The following MIR2052HG variants were observed in gnomAD, a reference collection of about 807,000 sequenced individuals.
MIR2052HG encodes MIR2052 host gene.
At chr8:74,720,845 AG>A (rs1437370006) in intron 4 of MIR2052HG, among the ~76,000 whole-genome samples, 2 of 152,194 alleles carry the variant, frequency 1.3e-5, no homozygotes, top group East Asian at 3.9e-4. Context: ...ACATGGTGGT[AG>A]GAGAGAGAGA....
intron 4 of MIR2052HG, among the ~76,000 whole-genome samples, chr8:74,713,666 G>A (rs1037988032): frequency 6.6e-6 from 1 of 151,994 alleles, no homozygotes; most frequent in African/African-American, 2.4e-5. Flanking sequence ...TGGATTCATG[G>A]TTAGATAGGT....
intron 2 of MIR2052HG, among the ~76,000 whole-genome samples, chr8:74,692,113 C>T (rs67548012): frequency 0.34 from 52,178 of 151,998 alleles, 9,351 homozygotes; most frequent in East Asian, 0.67. Flanking sequence ...TACAGAGTCT[C>T]ACTCTGTCAT....
At chr8:74,722,875 C>G (rs1809593509) in intron 4 of MIR2052HG, among the ~76,000 whole-genome samples, 1 of 152,194 alleles carries the variant, frequency 6.6e-6, no homozygotes, top group African/African-American at 2.4e-5. Flanking sequence ...TAGTATGTAG[C>G]AAAGGTAGAA....
chr8:74,650,651 C>T (rs1382036884), intron 2 of MIR2052HG, among the ~76,000 whole-genome samples: 1 of 152,128 alleles, frequency 6.6e-6, no homozygotes, highest in Non-Finnish European at 1.5e-5. Context: ...TGATTTTACA[C>T]TCCACCAGAA....
intron 2 of MIR2052HG, among the ~76,000 whole-genome samples, chr8:74,667,778 G>T (rs1808947305): frequency 6.6e-6 from 1 of 152,146 alleles, no homozygotes; most frequent in African/African-American, 2.4e-5. Flanking sequence ...GGCATGGGAT[G>T]CTCAGGAGAA....
chr8:74,648,329 G>A (rs1481238207), intron 2 of MIR2052HG, among the ~76,000 whole-genome samples: 1 of 152,100 alleles, frequency 6.6e-6, no homozygotes, highest in Non-Finnish European at 1.5e-5. Context: ...AGCTTACTAG[G>A]GTTGGGAAAT....
intron 2 of MIR2052HG, among the ~76,000 whole-genome samples, chr8:74,653,369 G>A (rs193078328): frequency 4.6e-5 from 7 of 152,298 alleles, no homozygotes; most frequent in Admixed American, 1.3e-4. Context: ...TGTGCTCATT[G>A]AAGAGATGCT....
intron 5 of MIR2052HG, chr8:74,757,174 T>G (rs1810013454): frequency 6.6e-6 from 1 of 152,174 alleles, no homozygotes; most frequent in Non-Finnish European, 1.5e-5. Flanking sequence ...GAGAGTGTCA[T>G]TAGGTTAATA....
At chr8:74,616,445 TTA>T (rs1229820990) in intron 2 of MIR2052HG, among the ~76,000 whole-genome samples, 6 of 150,352 alleles carry the variant, frequency 4.0e-5, no homozygotes, top group Middle Eastern at 3.4e-3. Flanking sequence ...CTTCTATATT[TTA>T]TATATATAAT....
At chr8:74,621,793 G>A (rs529949454) in intron 2 of MIR2052HG, among the ~76,000 whole-genome samples, 68 of 152,306 alleles carry the variant, frequency 4.5e-4, no homozygotes, top group Middle Eastern at 3.4e-3. Flanking sequence ...AGACCACGCT[G>A]TGGGGAAAGG....
intron 2 of MIR2052HG, among the ~76,000 whole-genome samples, chr8:74,647,352 C>A: frequency 6.6e-6 from 1 of 152,194 alleles, no homozygotes; most frequent in South Asian, 2.1e-4. Context: ...ATGGAGATGA[C>A]GAAATGGCTC....
chr8:74,695,726 G>T (rs966635442), intron 2 of MIR2052HG, among the ~76,000 whole-genome samples: 34 of 151,932 alleles, frequency 2.2e-4, no homozygotes, highest in African/African-American at 8.0e-4. Context: ...AAGATATTAT[G>T]TACTGATAAA....
chr8:74,706,405 A>G (rs1317028383), intron 4 of MIR2052HG, among the ~76,000 whole-genome samples: 1 of 152,110 alleles, frequency 6.6e-6, no homozygotes, highest in Non-Finnish European at 1.5e-5. Context: ...TCTAAGTAAA[A>G]TCAAGTGTGC....
Position 74,737,974 on chromosome 8 carries a change from TTATCTATG to T in MIR2052HG, n.372-14463_372-14456del, listed in dbSNP as rs1449562201. ...AATGACCAAGTGAATCTTTTATCTA[TTATCTATG>T]TATGTATGTATGTATGTATGTATGT... On this transcript the variant is annotated intron_variant and non_coding_transcript_variant, in intron 4 of 6. Coordinates refer to ENST00000523442, the Ensembl canonical transcript of MIR2052HG. Among the ~76,000 whole-genome samples, 6 of 151,876 alleles carry T rather than the reference TTATCTATG, an allele frequency of 4.0e-5. No individual in the cohort carries two copies. In the South Asian group the frequency reaches 8.3e-4, roughly 21 times the overall value.
chr8:74,630,786 T>A (rs191570417), intron 2 of MIR2052HG, among the ~76,000 whole-genome samples: 48 of 152,286 alleles, frequency 3.2e-4, no homozygotes, highest in Admixed American at 3.1e-3. Context: ...GTGGAAAGTG[T>A]TAAGGAGCTA....
At chr8:74,673,692 T>C (rs1308094547) in intron 2 of MIR2052HG, among the ~76,000 whole-genome samples, 1 of 151,826 alleles carries the variant, frequency 6.6e-6, no homozygotes, top group African/African-American at 2.4e-5. Flanking sequence ...AGTTCATTCA[T>C]ATTTATTCTC....
intron 2 of MIR2052HG, among the ~76,000 whole-genome samples, chr8:74,636,332 T>C (rs1263340629): frequency 6.6e-5 from 10 of 152,146 alleles, no homozygotes; most frequent in Non-Finnish European, 1.5e-5. Context: ...ATTCTGCAAA[T>C]TTTTGTCCTT....
chr8:74,624,915 GGAA>G (rs1200172316), intron 2 of MIR2052HG, among the ~76,000 whole-genome samples: 1 of 152,290 alleles, frequency 6.6e-6, no homozygotes, highest in Non-Finnish European at 1.5e-5. Context: ...AAGGAGTTAA[GGAA>G]GAAGATCATG....
Position 74,715,269 on chromosome 8 carries a change from C to A in MIR2052HG, n.371+11587C>A, listed in dbSNP as rs75264224. 3.4e-3 allele frequency among the ~76,000 whole-genome samples: 525 copies of A among 152,184 alleles called. 3 individuals are homozygous for A. The highest frequency in any genetic ancestry group is 0.012 in the African/African-American group (484 of 41,536). ...ACAATCCTAGCACAAGTTACGAGTA[C>A]TTTTGACTTGCAGGATTCATAAAAT... On this transcript the variant is annotated intron_variant and non_coding_transcript_variant, in intron 4 of 6. Coordinates refer to ENST00000523442, the Ensembl canonical transcript of MIR2052HG.
Sources: allele counts gnomAD v4.1 joint callset (sites outside exome capture counted in the v4.1 genomes callset), GRCh38; gene constraint gnomAD v4.1.1; transcripts MANE v1.5; gene names NCBI Gene and HGNC (gene_info 2026-07-23, HGNC 2026-07-21).